The following NAP1L1 variants were observed in gnomAD, a reference collection of about 807,000 sequenced individuals.
The protein encoded by NAP1L1 is nucleosome assembly protein 1-like 1.
A neutral mutation model predicts 58.9 loss-of-function variants in NAP1L1; 9 were observed. The observed-to-expected ratio is 0.15, with a 90% CI of 0.09 to 0.27. NAP1L1 has a LOEUF of 0.27. Ranked by LOEUF, NAP1L1 falls within the 10% of genes least tolerant of loss-of-function variation. The pLI is 1.00. For missense variants in NAP1L1, 302 were observed against 458.8 expected, an observed-to-expected ratio of 0.66 and a Z score of 3.12; for synonymous variants, 130 against 138.3, an observed-to-expected ratio of 0.94 and a Z score of 0.42.
In NAP1L1 at chr12:76,059,895, A is replaced by G. The variant is rs1426016799; in HGVS notation, c.349-17T>C. 1.3e-6 allele frequency: 2 copies of G among 1,550,408 alleles called. No homozygotes were observed. The highest frequency in any genetic ancestry group is 2.8e-5 in the African/African-American group (2 of 71,956). On this transcript the variant is annotated splice_polypyrimidine_tract_variant and intron_variant, in intron 5 of 14. Transcript: ENST00000618691. Reference sequence around the variant, plus strand: ...TTCAAATCGCTAAAATGATTTAAAAAAAAAAGGCTGTATAAAAACACTGGC... The same window carrying G: ...TTCAAATCGCTAAAATGATTTAAAAGAAAAAGGCTGTATAAAAACACTGGC...
At chr12:76,059,708 T>C in intron 6 of NAP1L1, 90 bp downstream of exon 6, 1 of 874,258 alleles carries the variant, frequency 1.1e-6, no homozygotes, top group Non-Finnish European at 1.8e-6. Flanking sequence ...GGTTATATAA[T>C]ATTGTACTCC....
intron 1 of NAP1L1, among the ~76,000 whole-genome samples, chr12:76,083,467 T>G (rs1950485986): frequency 7.2e-6 from 1 of 138,896 alleles, no homozygotes. Flanking sequence ...GATGAGCTTT[T>G]TTTTCCAAAA....
chr12:76,061,771 A>G (rs1949429396), intron 4 of NAP1L1, among the ~76,000 whole-genome samples: 1 of 152,232 alleles, frequency 6.6e-6, no homozygotes, highest in African/African-American at 2.4e-5. Flanking sequence ...TTTACTTAAG[A>G]TTATTAGAAA....
chr12:76,056,375 A>T (rs1949085990), intron 6 of NAP1L1: 1 of 482,834 alleles, frequency 2.1e-6, no homozygotes, highest in Non-Finnish European at 3.7e-6. Flanking sequence ...GGTGACCAAG[A>T]TGTGTAGGAA....
rs1305230974 is a variant in NAP1L1 at position 76,037,994 on chromosome 12, CTGAT to C, written c.*10431_*10434del. The C allele has an allele frequency of 6.6e-6, 1 of 152,146 alleles. No individual in the cohort carries two copies. The highest frequency in any genetic ancestry group is 1.5e-5 in the Non-Finnish European group (1 of 68,044). 9.4% of individuals were successfully genotyped at this position (152,146 alleles called of 1,614,324 possible). A position where few individuals can be genotyped will look rare whatever the true frequency, so the allele number is the denominator to read the frequency against. On this transcript the variant is annotated 3_prime_UTR_variant, in exon 15 of 15. Transcript: ENST00000618691. ...GAGTATTAACAAGTAACCAGGAAGT[CTGAT>C]TATTTGTAAACTTGTTATGGTAATA...
intron 6 of NAP1L1, chr12:76,058,070 G>A (rs1352080473): frequency 3.9e-6 from 3 of 766,674 alleles, no homozygotes; most frequent in Non-Finnish European, 7.3e-6. Context: ...AGGTCATTCA[G>A]GAAAAACAGA....
chr12:76,056,086 C>G lies in NAP1L1; in HGVS notation c.505G>C (p.Glu169Gln), dbSNP rs1949071051. 6.2e-7 allele frequency: 1 copy of G among 1,612,756 alleles called. No individual in the cohort carries two copies. Among genetic ancestry groups the G allele is most frequent in the African/African-American group, 1.3e-5 (1 of 74,986 alleles). ...EEKEDPKGIP[E>Q]FWLTVFKNVD... is the part of the protein sequence containing the mutation. ...TTCTTAAAAACAGTTAACCAAAATTCAGGAATTCCTTTGGGGTCTTCTTTT... is the reference window on the plus strand; with the variant it reads ...TTCTTAAAAACAGTTAACCAAAATTGAGGAATTCCTTTGGGGTCTTCTTTT... The change falls in exon 7 of 15, where the codon GAA (glutamate) becomes CAA (glutamine). Residue 169 changes from glutamate to glutamine, a missense_variant. Physicochemically the swap from Glu to Gln is conservative, Grantham distance 29. Coordinates refer to ENST00000618691, the MANE Select transcript of NAP1L1 (RefSeq NM_004537.7).
chr12:76,079,148 G>C (rs1041862266), intron 1 of NAP1L1, among the ~76,000 whole-genome samples: 4 of 152,122 alleles, frequency 2.6e-5, no homozygotes, highest in South Asian at 2.1e-4. Context: ...TCTTCAATAA[G>C]ACACTAAAAG....
At chr12:76,049,653 C>G (rs908467011) in intron 13 of NAP1L1, 103 bp downstream of exon 13, 23 of 1,551,100 alleles carry the variant, frequency 1.5e-5, no homozygotes, top group Non-Finnish European at 2.0e-5. Flanking sequence ...ATGTTTTTAT[C>G]CCAAATCACA....
In NAP1L1 at chr12:76,039,337, C is replaced by T. The variant is rs1948528621; in HGVS notation, c.*9092G>A. 1 of 152,160 alleles carries T rather than the reference C, an allele frequency of 6.6e-6. No individual in the cohort carries two copies. Among genetic ancestry groups the T allele is most frequent in the South Asian group, 2.1e-4 (1 of 4,824 alleles). The allele number at this position is 152,160 out of a possible 1,614,324, so 9.4% of individuals were successfully genotyped here. On this transcript the variant is annotated 3_prime_UTR_variant, in exon 15 of 15. Coordinates refer to ENST00000618691, the MANE Select transcript of NAP1L1 (RefSeq NM_004537.7). ...AACCTGGACATGATGTATAGAGCCC[C>T]AGCAACCACTTGATAATAAACCAAC... is the stretch of plus-strand genomic sequence containing the variant.
chr12:76,057,686 T>C, intron 6 of NAP1L1: 1 of 1,494,774 alleles, frequency 6.7e-7, no homozygotes, highest in East Asian at 2.4e-5. Context: ...ATGCCTGATG[T>C]TGCTAAATGT....
In NAP1L1 at chr12:76,053,861, C is replaced by T. The variant is rs767903442; in HGVS notation, c.679G>A (p.Glu227Lys). ...ATCCTGTATGTCTTTGTCAGCACTT[C>T]ATTTGTAAAATATTCATTGGGTTCA... Reference protein sequence around the residue: ...HFEPNEYFTNEVLTKTYRMRS... With the variant: ...HFEPNEYFTNKVLTKTYRMRS... Residue 227 changes from glutamate to lysine, a missense_variant, in exon 9 of 15, where the codon GAA becomes AAA. Physicochemically the swap from Glu to Lys is moderately conservative, Grantham distance 56. Transcript: ENST00000618691. 1 of 1,590,700 alleles carries T rather than the reference C, an allele frequency of 6.3e-7. No homozygotes were observed. The highest frequency in any genetic ancestry group is 2.3e-5 in the East Asian group (1 of 44,286).
chr12:76,069,128 C>T (rs1326003116), intron 2 of NAP1L1, 134 bp from the exon 3 acceptor site: 22 of 652,568 alleles, frequency 3.4e-5, no homozygotes, highest in East Asian at 1.6e-4. Flanking sequence ...AAGGTAATTC[C>T]GTTTTCTAAC....
intron 2 of NAP1L1, among the ~76,000 whole-genome samples, chr12:76,072,400 T>C (rs1949996593): frequency 6.6e-6 from 1 of 151,218 alleles, no homozygotes; most frequent in South Asian, 2.1e-4. Context: ...AGTCTTCAGT[T>C]CTGTCCAGAA....
Position 76,053,887 on chromosome 12 carries a change from A to G in NAP1L1, c.653T>C (p.Phe218Ser). The G allele has an allele frequency of 6.3e-7, 1 of 1,597,132 alleles. No individual in the cohort carries two copies. Among genetic ancestry groups the G allele is most frequent in the Admixed American group, 1.8e-5 (1 of 54,496 alleles). The change falls in exon 9 of 15, where the codon TTT becomes TCT. Residue 218 changes from phenylalanine to serine, a missense_variant. Phe to Ser is a radical substitution (Grantham distance 155, BLOSUM62 -2). Transcript: ENST00000618691. Reference sequence around the variant, plus strand: ...ATTTGTAAAATATTCATTGGGTTCAAAGTGAAATTCTAAGACAAAACTCTG... The same window carrying G: ...ATTTGTAAAATATTCATTGGGTTCAGAGTGAAATTCTAAGACAAAACTCTG... The part of the protein sequence containing the change: ...QPMSFVLEFH[F>S]EPNEYFTNEV...
At position 76,038,419 on chromosome 12, in the gene NAP1L1, C is replaced by T. The variant is rs533058202; in HGVS notation, c.*10010G>A. The stretch of plus-strand genomic sequence containing the variant: ...TTTTCCATTGCCACAAAACACACAG[C>T]CTGAGGACATAGGCTGTTCAATTTG... On this transcript the variant is annotated 3_prime_UTR_variant, in exon 15 of 15. Coordinates refer to ENST00000618691, the MANE Select transcript of NAP1L1 (RefSeq NM_004537.7). 6.6e-6 allele frequency: 1 copy of T among 152,258 alleles called. No individual in the cohort carries two copies. Among genetic ancestry groups the T allele is most frequent in the East Asian group, 1.9e-4 (1 of 5,188 alleles). 9.4% of individuals were successfully genotyped at this position (152,258 alleles called of 1,614,324 possible). A position where few individuals can be genotyped will look rare whatever the true frequency, so the allele number is the denominator to read the frequency against.
At chr12:76,062,762 G>A (rs139565215) in intron 4 of NAP1L1, among the ~76,000 whole-genome samples, 1 of 152,308 alleles carries the variant, frequency 6.6e-6, no homozygotes, top group African/African-American at 2.4e-5. Flanking sequence ...AGCAATAGCT[G>A]ACAGAGAAGG....
chr12:76,049,276 A>T, intron 13 of NAP1L1, 26 bp from the exon 14 acceptor site: 1 of 1,613,244 alleles, frequency 6.2e-7, no homozygotes, highest in Non-Finnish European at 8.5e-7. Flanking sequence ...AAATGCATCC[A>T]TGAAGTATGT....
chr12:76,067,729 C>G (rs1592673165), intron 3 of NAP1L1, among the ~76,000 whole-genome samples: 1 of 152,274 alleles, frequency 6.6e-6, no homozygotes, highest in East Asian at 1.9e-4. Flanking sequence ...TGAACAATAT[C>G]CTTTCTCTTC....
Sources: allele counts gnomAD v4.1 joint callset (sites outside exome capture counted in the v4.1 genomes callset), GRCh38; gene constraint gnomAD v4.1.1; transcripts MANE v1.5; gene names NCBI Gene and HGNC (gene_info 2026-07-23, HGNC 2026-07-21).